The following AUTS2 variants were observed in gnomAD, a reference collection of about 807,000 sequenced individuals.
AUTS2 encodes autism susceptibility gene 2 protein.
AUTS2 carries 17 observed loss-of-function variants against 112.4 expected under a neutral mutation model. The observed-to-expected ratio is 0.15, with a 90% CI of 0.10 to 0.23. The LOEUF is 0.23. Ranked by LOEUF, AUTS2 falls within the 10% of genes least tolerant of loss-of-function variation. The probability of loss-of-function intolerance (pLI) is 1.00; values close to 1 mark genes in which losing one functional copy is unlikely to be tolerated. For synonymous variants in AUTS2, 751 were observed against 702.7 expected (o/e 1.07, Z -1.09); for missense variants, 1,510 against 1,701.6 (o/e 0.89, Z 1.98).
chr7:70,065,077 G>A (rs1650175841), intron 2 of AUTS2, among the ~76,000 whole-genome samples: 1 of 152,098 alleles, frequency 6.6e-6, no homozygotes, highest in Non-Finnish European at 1.5e-5. Flanking sequence ...GTGGTGGGGG[G>A]CATTTCTATA....
intron 6 of AUTS2, among the ~76,000 whole-genome samples, chr7:70,711,512 A>C (rs1202540144): frequency 1.1e-4 from 16 of 152,166 alleles, no homozygotes; most frequent in Admixed American, 1.0e-3. Flanking sequence ...ACAAACAAAT[A>C]ATTGGGTGAA....
chr7:69,745,931 G>T (rs987854767), intron 1 of AUTS2, among the ~76,000 whole-genome samples: 7 of 152,090 alleles, frequency 4.6e-5, no homozygotes, highest in African/African-American at 9.7e-5. Flanking sequence ...TGAAATGCAG[G>T]AGCACGATCA....
intron 4 of AUTS2, among the ~76,000 whole-genome samples, chr7:70,308,660 C>T (rs1789595252): frequency 6.6e-6 from 1 of 152,194 alleles, no homozygotes; most frequent in Non-Finnish European, 1.5e-5. Context: ...CAGTGCTTAA[C>T]ATATAGTAAG....
In AUTS2 at chr7:70,746,877, T is replaced by G. The variant is rs372383408; in HGVS notation, c.743-15993T>G. ...ATCGATTTACATTTTAAGAGCTCAC[T>G]CAGGGTGCTGGCGGACAGTGGATTC... On this transcript the variant is annotated intron_variant, in intron 6 of 18. Coordinates refer to ENST00000342771, the MANE Select transcript of AUTS2 (RefSeq NM_015570.4). 2.7e-4 allele frequency among the ~76,000 whole-genome samples: 41 copies of G among 152,336 alleles called. 1 individual carries two copies. The South Asian group carries it at 7.9e-3, about 29-fold the overall frequency.
chr7:69,823,489 C>A (rs1041420407), intron 1 of AUTS2, among the ~76,000 whole-genome samples: 1 of 152,230 alleles, frequency 6.6e-6, no homozygotes, highest in African/African-American at 2.4e-5. Flanking sequence ...TGTCCCACAG[C>A]AGCTACAGTC....
intron 5 of AUTS2, among the ~76,000 whole-genome samples, chr7:70,651,563 G>C (rs1182563618): frequency 1.3e-5 from 2 of 152,088 alleles, no homozygotes; most frequent in East Asian, 3.8e-4. Flanking sequence ...ACTAACATAA[G>C]CCTGTTTCAT....
intron 2 of AUTS2, among the ~76,000 whole-genome samples, chr7:70,094,014 T>C (rs1360755385): frequency 6.6e-6 from 1 of 152,224 alleles, no homozygotes; most frequent in East Asian, 1.9e-4. Flanking sequence ...GCACAGATGC[T>C]CATCTGTTAG....
At chr7:70,013,384 AAT>A (rs1799890655) in intron 2 of AUTS2, among the ~76,000 whole-genome samples, 4 of 152,156 alleles carry the variant, frequency 2.6e-5, no homozygotes, top group Middle Eastern at 3.2e-3. Flanking sequence ...TGGAGGTGGG[AAT>A]TCTGCTCAAG....
At chr7:69,713,218 T>C (rs1298906139) in intron 1 of AUTS2, among the ~76,000 whole-genome samples, 1 of 152,198 alleles carries the variant, frequency 6.6e-6, no homozygotes, top group East Asian at 1.9e-4. Flanking sequence ...CCTCATACAT[T>C]TATCGTTTCT....
chr7:70,174,625 T>C (rs1050869774), intron 4 of AUTS2, among the ~76,000 whole-genome samples: 1 of 152,208 alleles, frequency 6.6e-6, no homozygotes, highest in Non-Finnish European at 1.5e-5. Context: ...CTGGTGACTT[T>C]AAGTTGAAAC....
intron 6 of AUTS2, among the ~76,000 whole-genome samples, chr7:70,713,616 C>T (rs1244906424): frequency 1.3e-5 from 2 of 152,116 alleles, no homozygotes; most frequent in Non-Finnish European, 2.9e-5. Context: ...GCTTGCCGGC[C>T]GGGCGTGGTG....
chr7:70,216,841 T>A (rs1811191805), intron 4 of AUTS2, among the ~76,000 whole-genome samples: 1 of 152,240 alleles, frequency 6.6e-6, no homozygotes, highest in South Asian at 2.1e-4. Flanking sequence ...AATAAACTTC[T>A]CATTGTCTGC....
intron 2 of AUTS2, among the ~76,000 whole-genome samples, chr7:69,910,731 G>A (rs532705614): frequency 3.5e-4 from 53 of 152,214 alleles, no homozygotes; most frequent in African/African-American, 1.1e-3. Context: ...TGGTTTAAGC[G>A]ATCCTCCTGC....
At chr7:69,707,146 G>GT (rs1434942376) in intron 1 of AUTS2, among the ~76,000 whole-genome samples, 2 of 152,068 alleles carry the variant, frequency 1.3e-5, no homozygotes, top group African/African-American at 4.8e-5. Context: ...AGATTTTTCT[G>GT]TTTCCTTCTA....
intron 5 of AUTS2, among the ~76,000 whole-genome samples, chr7:70,656,169 G>A (rs960281430): frequency 6.6e-6 from 1 of 151,906 alleles, no homozygotes; most frequent in Non-Finnish European, 1.5e-5. Context: ...CCACTTTGGG[G>A]CCCTCAATCC....
intron 5 of AUTS2, among the ~76,000 whole-genome samples, chr7:70,454,927 T>C (rs1796674723): frequency 6.6e-6 from 1 of 152,238 alleles, no homozygotes; most frequent in Non-Finnish European, 1.5e-5. Flanking sequence ...TTCCACGAGC[T>C]GCTGTTCCTG....
intron 8 of AUTS2, among the ~76,000 whole-genome samples, chr7:70,765,551 G>A (rs182316311): frequency 2.0e-5 from 3 of 152,212 alleles, no homozygotes; most frequent in Admixed American, 6.5e-5. Context: ...CAGGTCAAGC[G>A]TCCCAGTTTT....
At chr7:70,611,653 G>A (rs1276848343) in intron 5 of AUTS2, among the ~76,000 whole-genome samples, 3 of 152,156 alleles carry the variant, frequency 2.0e-5, no homozygotes, top group Non-Finnish European at 4.4e-5. Flanking sequence ...TTTGGAAGCC[G>A]CTTCTTATAG....
chr7:69,879,769 A>T (rs1793962061), intron 1 of AUTS2, among the ~76,000 whole-genome samples: 1 of 152,126 alleles, frequency 6.6e-6, no homozygotes, highest in African/African-American at 2.4e-5. Context: ...GCCACTGTGA[A>T]TCACGGCCCT....
Sources: gnomAD v4.1 joint callset for allele counts (sites outside exome capture counted in the v4.1 genomes callset) on GRCh38, gnomAD v4.1.1 for gene constraint, MANE v1.5 for transcripts, NCBI Gene and HGNC (gene_info 2026-07-23, HGNC 2026-07-21) for gene names.